Variants in CASP4 observed in about 807,000 individuals in gnomAD.
The protein encoded by CASP4 is caspase 4.
CASP4 carries 29 observed loss-of-function variants against 41.3 expected under a neutral mutation model. That is an observed-to-expected ratio of 0.70 (90% confidence interval 0.52 to 0.96). The LOEUF (loss-of-function observed/expected upper bound fraction) is 0.96, where lower values mean the gene tolerates loss of function less well. Among genes scored for constraint, CASP4 ranks in the 40% least tolerant of loss-of-function variants. The pLI, the probability that CASP4 is intolerant of heterozygous loss-of-function variation, is 0.00. For missense variants in CASP4, 447 were observed against 460.6 expected (o/e 0.97, Z 0.27); for synonymous variants, 185 against 158.4 (o/e 1.17, Z -1.26).
intron 1 of CASP4, among the ~76,000 whole-genome samples, chr11:104,957,886 A>C (rs1312182839): frequency 6.6e-6 from 1 of 152,184 alleles, no homozygotes; most frequent in African/African-American, 2.4e-5. Flanking sequence ...CTGAGTTCAA[A>C]ATAGACTACA....
In CASP4 at chr11:104,952,016, T is replaced by C. The variant is rs796524908; in HGVS notation, c.263-11A>G. 5 of 1,533,452 alleles carry C rather than the reference T, an allele frequency of 3.3e-6. No individual in the cohort carries two copies. In the African/African-American group the frequency reaches 6.8e-5, roughly 21 times the overall value. The allele number at this position is 1,533,452 out of a possible 1,614,324, so 95.0% of individuals were successfully genotyped here. ...CCATATTCGGATGAGCTGCAGGATA[T>C]TGCAGAACATAAATTGTGATTTCTG... On this transcript the variant is annotated splice_polypyrimidine_tract_variant and intron_variant, in intron 2 of 8. Coordinates refer to ENST00000444739, the MANE Select transcript of CASP4 (RefSeq NM_001225.4).
At chr11:104,950,759 G>A (rs1386590109) in intron 4 of CASP4, among the ~76,000 whole-genome samples, 166 bp downstream of exon 4, 1 of 150,984 alleles carries the variant, frequency 6.6e-6, no homozygotes, top group Non-Finnish European at 1.5e-5. Context: ...GAGGACCAAA[G>A]AGACATAGAT....
chr11:104,950,958 A>G lies in CASP4; in HGVS notation c.513T>C (p.Tyr171=), dbSNP rs1454248081. The change falls in exon 4 of 9, where the codon TAT becomes TAC. Residue 171 remains tyrosine (Y), a synonymous_variant. Transcript: ENST00000444739. ...TCAGATTCTCTTCTACATCTACACT[A>G]TAGTCCAGACCCTCAAGTAGCTCCT... ...GMKELLEGLD[Y]SVDVEENLTA... is the part of the protein sequence containing the mutation. The G allele has an allele frequency of 1.2e-6, 2 of 1,613,090 alleles. No individual in the cohort carries two copies. The highest frequency in any genetic ancestry group is 1.1e-5 in the South Asian group (1 of 91,048).
At chr11:104,956,161 T>A (rs920668882) in intron 1 of CASP4, among the ~76,000 whole-genome samples, 7 of 152,254 alleles carry the variant, frequency 4.6e-5, no homozygotes, top group African/African-American at 1.4e-4. Context: ...ATTATAATCA[T>A]CATTATCATT....
chr11:104,962,169 A>C (rs1270885673), intron 1 of CASP4, among the ~76,000 whole-genome samples: 3 of 152,180 alleles, frequency 2.0e-5, no homozygotes, highest in African/African-American at 4.8e-5. Flanking sequence ...GAAAATGGTG[A>C]CTTTTTTCTT....
chr11:104,955,101 A>G, intron 1 of CASP4, 100 bp from the exon 2 acceptor site: 8 of 1,161,128 alleles, frequency 6.9e-6, no homozygotes, highest in Non-Finnish European at 9.8e-6. Context: ...TTCTGAAAGT[A>G]TGTCCTACTT....
chr11:104,965,226 G>GTT (rs1860946165), intron 1 of CASP4, among the ~76,000 whole-genome samples: 1 of 152,120 alleles, frequency 6.6e-6, no homozygotes, highest in African/African-American at 2.4e-5. Context: ...TACCTTACAG[G>GTT]AGGCTGTTGG....
chr11:104,948,758 T>C (rs1860528911), intron 5 of CASP4, 82 bp from the exon 6 acceptor site: 2 of 1,321,372 alleles, frequency 1.5e-6, no homozygotes, highest in Non-Finnish European at 1.0e-6. Context: ...TCTTTTTGAA[T>C]GTTCATTCTT....
At position 104,949,780 on chromosome 11, in the gene CASP4, G is replaced by A. The variant is rs754067340; in HGVS notation, c.547-3C>T. ...GCCCTCAGCGCTGACTCCATATCCT[G>A]TAAAAGAGCAATGTCTAACTTCAGT... is the stretch of plus-strand genomic sequence containing the variant. On this transcript the variant is annotated splice_region_variant and splice_polypyrimidine_tract_variant and intron_variant, in intron 4 of 8. Transcript: ENST00000444739. 1.5e-5 allele frequency: 24 copies of A among 1,613,076 alleles called. No homozygotes were observed. The East Asian group carries it at 2.5e-4, about 16-fold the overall frequency.
chr11:104,964,237 C>A lies in CASP4; in HGVS notation c.7+4282G>T, dbSNP rs562052869. Among the ~76,000 whole-genome samples, 233 of 152,180 alleles carry A rather than the reference C, an allele frequency of 1.5e-3. 2 individuals carry two copies. The highest frequency in any genetic ancestry group is 5.5e-3 in the African/African-American group (227 of 41,528). ...CAGGTATAGGACTCTGAGTGCAGGT[C>A]TCAGATAACTTTAAAAATTGTGCTA... On this transcript the variant is annotated intron_variant, in intron 1 of 8. Coordinates refer to ENST00000444739, the MANE Select transcript of CASP4 (RefSeq NM_001225.4).
chr11:104,943,302 C>T (rs1463980098), intron 8 of CASP4: 2 of 260,250 alleles, frequency 7.7e-6, no homozygotes, highest in Non-Finnish European at 7.5e-6. Flanking sequence ...TCTCCACTCA[C>T]GTTCTCTTTT....
At chr11:104,958,019 G>C (rs995814093) in intron 1 of CASP4, among the ~76,000 whole-genome samples, 2 of 151,964 alleles carry the variant, frequency 1.3e-5, no homozygotes, top group African/African-American at 4.8e-5. Flanking sequence ...TTTCAACAAA[G>C]GTTTCATGAA....
At chr11:104,955,166 G>A (rs951164801) in intron 1 of CASP4, among the ~76,000 whole-genome samples, 165 bp from the exon 2 acceptor site, 7 of 151,684 alleles carry the variant, frequency 4.6e-5, no homozygotes, top group African/African-American at 1.7e-4. Flanking sequence ...ATTCCTACCA[G>A]GTTGTTTAAC....
rs1860923607 is a variant in CASP4 at position 104,964,206 on chromosome 11, T to C, written c.7+4313A>G. 2.6e-5 allele frequency among the ~76,000 whole-genome samples: 4 copies of C among 152,192 alleles called. No homozygotes were observed. In the South Asian group the frequency reaches 8.3e-4, roughly 31 times the overall value. On this transcript the variant is annotated intron_variant, in intron 1 of 8. Coordinates refer to ENST00000444739, the MANE Select transcript of CASP4 (RefSeq NM_001225.4). Reference sequence around the variant, plus strand: ...CTTTGGTCGTTTTCAAAAGGCAGTTTATAATCAGGTATAGGACTCTGAGTG... The same window carrying C: ...CTTTGGTCGTTTTCAAAAGGCAGTTCATAATCAGGTATAGGACTCTGAGTG...
chr11:104,959,861 A>G (rs897201252), intron 1 of CASP4, among the ~76,000 whole-genome samples: 1 of 152,122 alleles, frequency 6.6e-6, no homozygotes, highest in Non-Finnish European at 1.5e-5. Context: ...ACTTCTCTCA[A>G]TTCTAATTGT....
chr11:104,951,511 T>C lies in CASP4; in HGVS notation c.372+385A>G, dbSNP rs150357194. The C allele has an allele frequency of 9.4e-5, 24 of 256,256 alleles. No homozygotes were observed. The East Asian group carries it at 2.1e-3, about 23-fold the overall frequency. 15.9% of individuals were successfully genotyped at this position (256,256 alleles called of 1,614,324 possible). On this transcript the variant is annotated intron_variant, in intron 3 of 8. Coordinates refer to ENST00000444739, the MANE Select transcript of CASP4 (RefSeq NM_001225.4). ...TAAATTTATAATGTTTTTCAAGCTT[T>C]AATTATATTTCCCAAGTATCCTTCA...
intron 1 of CASP4, among the ~76,000 whole-genome samples, chr11:104,957,354 C>G (rs562051050): frequency 1.2e-4 from 18 of 152,178 alleles, no homozygotes; most frequent in African/African-American, 3.9e-4. Flanking sequence ...AAAACAAGTA[C>G]ACGTAAAAGT....
At chr11:104,963,616 C>T (rs56349036) in intron 1 of CASP4, among the ~76,000 whole-genome samples, 14,526 of 152,200 alleles carry the variant, frequency 0.095, 1,174 homozygotes, top group African/African-American at 0.21. Context: ...CTTGGCTCTT[C>T]GCACACTTGG....
At chr11:104,955,508 A>G (rs1241044900) in intron 1 of CASP4, among the ~76,000 whole-genome samples, 3 of 152,100 alleles carry the variant, frequency 2.0e-5, no homozygotes, top group Non-Finnish European at 2.9e-5. Flanking sequence ...CTTACATCCT[A>G]TACCCACATC....
Sources: gnomAD v4.1 joint callset for allele counts (sites outside exome capture counted in the v4.1 genomes callset) on GRCh38, gnomAD v4.1.1 for gene constraint, MANE v1.5 for transcripts, NCBI Gene and HGNC (gene_info 2026-07-23, HGNC 2026-07-21) for gene names.